GRB10: variants seen among roughly 807,000 people sequenced by gnomAD.
The protein encoded by GRB10 is growth factor receptor-bound protein 10.
In GRB10, 20 loss-of-function variants were observed where a neutral mutation model predicts 80.9. That is an observed-to-expected ratio of 0.25 (90% confidence interval 0.17 to 0.36). GRB10 has a LOEUF of 0.36. GRB10 is among the 10% of genes least tolerant of loss of function. GRB10 has a pLI of 1.00. For synonymous variants in GRB10, 291 were observed against 291.5 expected, an observed-to-expected ratio of 1.00 and a Z score of 0.02; for missense variants, 548 against 747.7, an observed-to-expected ratio of 0.73 and a Z score of 3.12.
Position 50,592,953 on chromosome 7 carries a change from C to A in GRB10, c.1784G>T (p.Ter595LeuextTer49). The part of the protein sequence containing the change: ...LKHHCIRVAL[*>L] ...CTTCAGCCGAGAGGACATCTGCGGT[C>A]ATAAGGCCACTCGGATGCAGTGGTG... The change falls in exon 19 of 19, where the codon TGA becomes TTA. Residue 595 changes from the stop codon to leucine, a stop_lost. Coordinates refer to ENST00000401949, the MANE Select transcript of GRB10 (RefSeq NM_001350814.2). 2 of 1,614,176 alleles carry A rather than the reference C, an allele frequency of 1.2e-6. No homozygotes were observed. Among genetic ancestry groups the A allele is most frequent in the South Asian group, 2.2e-5 (2 of 91,054 alleles).
intron 1 of GRB10, among the ~76,000 whole-genome samples, chr7:50,791,445 A>G (rs972291641): frequency 6.6e-6 from 1 of 152,186 alleles, no homozygotes; most frequent in Non-Finnish European, 1.5e-5. Flanking sequence ...AATAAAACAC[A>G]AGACTAAAAT....
upstream of GRB10, among the ~76,000 whole-genome samples, chr7:50,784,114 G>A (rs1367502850): frequency 1.3e-5 from 2 of 152,170 alleles, no homozygotes; most frequent in Non-Finnish European, 2.9e-5. Flanking sequence ...ATATGGCCTG[G>A]CTACTGCAAG....
intron 1 of GRB10, among the ~76,000 whole-genome samples, chr7:50,781,987 A>G (rs1449798304): frequency 6.6e-6 from 1 of 152,162 alleles, no homozygotes; most frequent in Non-Finnish European, 1.5e-5. Context: ...GGCAGGCTCT[A>G]GCATTATGTT....
intron 1 of GRB10, among the ~76,000 whole-genome samples, chr7:50,790,755 A>G (rs1490928437): frequency 6.6e-6 from 1 of 152,274 alleles, no homozygotes; most frequent in South Asian, 2.1e-4. Context: ...CCACCTTTAA[A>G]GCATTCGGTT....
chr7:50,779,118 T>C (rs548445297), intron 2 of GRB10: 13 of 152,344 alleles, frequency 8.5e-5, no homozygotes, highest in African/African-American at 3.1e-4. Context: ...AATAGCATTA[T>C]TAATAATAGT....
intron 4 of GRB10, among the ~76,000 whole-genome samples, 172 bp downstream of exon 4, chr7:50,732,100 G>A (rs1054313751): frequency 6.6e-6 from 1 of 152,214 alleles, no homozygotes; most frequent in African/African-American, 2.4e-5. Flanking sequence ...AGAAGACCGA[G>A]GCAGAAAGGG....
chr7:50,610,369 C>T (rs968285331), intron 13 of GRB10, among the ~76,000 whole-genome samples: 2 of 152,246 alleles, frequency 1.3e-5, no homozygotes, highest in South Asian at 2.1e-4. Flanking sequence ...AGACCGGCCC[C>T]GAGGCCATCA....
intron 13 of GRB10, among the ~76,000 whole-genome samples, chr7:50,609,990 T>C (rs757216716): frequency 1.3e-5 from 2 of 152,172 alleles, no homozygotes; most frequent in African/African-American, 2.4e-5. Flanking sequence ...CCTAGGTTAA[T>C]TCAAAATAAC....
intron 7 of GRB10, among the ~76,000 whole-genome samples, chr7:50,661,926 C>T (rs1483299552): frequency 6.6e-6 from 1 of 152,210 alleles, no homozygotes; most frequent in East Asian, 1.9e-4. Flanking sequence ...TGGCTGCTGT[C>T]TCCGGCCCTA....
intron 18 of GRB10, among the ~76,000 whole-genome samples, chr7:50,593,870 T>C (rs1450809415): frequency 6.6e-6 from 1 of 152,192 alleles, no homozygotes; most frequent in Non-Finnish European, 1.5e-5. Context: ...CAGCCAGTTT[T>C]CACACACAGA....
At chr7:50,784,072 G>C (rs909589100), upstream of GRB10, among the ~76,000 whole-genome samples, 5 of 152,212 alleles carry the variant, frequency 3.3e-5, no homozygotes, top group African/African-American at 9.6e-5. Flanking sequence ...GGTAACACAA[G>C]GCTTTCTTTT....
chr7:50,762,171 G>A (rs1286968470), intron 2 of GRB10, among the ~76,000 whole-genome samples: 1 of 151,758 alleles, frequency 6.6e-6, no homozygotes, highest in Non-Finnish European at 1.5e-5. Flanking sequence ...CGATCTGAAC[G>A]TTTAGTAAGA....
intron 4 of GRB10, among the ~76,000 whole-genome samples, chr7:50,731,129 T>C (rs1024396434): frequency 2.0e-5 from 3 of 152,172 alleles, no homozygotes; most frequent in African/African-American, 7.2e-5. Flanking sequence ...AGATGCCTGT[T>C]CCAGAGCTCA....
At position 50,590,455 on chromosome 7, in the gene GRB10, C is replaced by CT. The variant is rs1290231524; in HGVS notation, c.*2496dup. On this transcript the variant is annotated 3_prime_UTR_variant, in exon 19 of 19. Coordinates refer to ENST00000401949, the MANE Select transcript of GRB10 (RefSeq NM_001350814.2). ...GCAAACAAAAGAACATTCTGGAACT[C>CT]TAACACCTAGTGTAACAGAGCTTAC... 3.3e-5 allele frequency: 5 copies of CT among 152,526 alleles called. No individual in the cohort carries two copies. The highest frequency in any genetic ancestry group is 4.4e-5 in the Non-Finnish European group (3 of 68,040). 9.4% of individuals were successfully genotyped at this position (152,526 alleles called of 1,614,324 possible).
chr7:50,651,402 C>T (rs1347398163), intron 7 of GRB10, among the ~76,000 whole-genome samples: 2 of 152,176 alleles, frequency 1.3e-5, no homozygotes, highest in Non-Finnish European at 2.9e-5. Flanking sequence ...ACTGCAATCT[C>T]CACCTTTATC....
rs956754983 is a variant in GRB10 at position 50,618,330 on chromosome 7, T to G, written c.778-191A>C. Among the ~76,000 whole-genome samples the G allele has an allele frequency of 1.1e-4, 17 of 152,346 alleles. 1 individual carries two copies. Among genetic ancestry groups the G allele is most frequent in the South Asian group, 2.1e-4 (1 of 4,826 alleles). On this transcript the variant is annotated intron_variant, in intron 9 of 18. Coordinates refer to ENST00000401949, the MANE Select transcript of GRB10 (RefSeq NM_001350814.2). ...CTCCTTCAAAAGGTTGTATTTTGTTTCCTGAAATGCTGGGTACTAGTGTGG... is the reference window on the plus strand; with the variant it reads ...CTCCTTCAAAAGGTTGTATTTTGTTGCCTGAAATGCTGGGTACTAGTGTGG...
Position 50,606,594 on chromosome 7 carries a change from C to T in GRB10, c.1195-180G>A, listed in dbSNP as rs943520352. 36 of 626,906 alleles carry T rather than the reference C, an allele frequency of 5.7e-5. No homozygotes were observed. The East Asian group carries it at 9.8e-4, about 17-fold the overall frequency. 38.8% of individuals were successfully genotyped at this position (626,906 alleles called of 1,614,324 possible). A position where few individuals can be genotyped will look rare whatever the true frequency, so the allele number is the denominator to read the frequency against. On this transcript the variant is annotated intron_variant, in intron 13 of 18. Coordinates refer to ENST00000401949, the MANE Select transcript of GRB10 (RefSeq NM_001350814.2). ...AACACAGGGATTAGGAGCAATGACG[C>T]CCCTTGAAATAAAAAATCCGAGTAT...
intron 4 of GRB10, among the ~76,000 whole-genome samples, chr7:50,706,520 C>T (rs369618137): frequency 2.6e-5 from 4 of 152,190 alleles, no homozygotes; most frequent in East Asian, 1.9e-4. Context: ...TGGAGGCAAC[C>T]GCCTGTTTCA....
intron 2 of GRB10, among the ~76,000 whole-genome samples, chr7:50,771,312 T>G (rs1004821691): frequency 2.0e-5 from 3 of 152,148 alleles, no homozygotes; most frequent in Non-Finnish European, 4.4e-5. Flanking sequence ...CAGTTTGAAG[T>G]AGGGGGTCCC....
Sources: gnomAD v4.1 joint callset for allele counts (sites outside exome capture counted in the v4.1 genomes callset) on GRCh38, gnomAD v4.1.1 for gene constraint, MANE v1.5 for transcripts, NCBI Gene and HGNC (gene_info 2026-07-23, HGNC 2026-07-21) for gene names.